ANKRA2: variants seen among roughly 807,000 people sequenced by gnomAD.
ANKRA2 encodes ankyrin repeat family A member 2, also known as ankyrin repeat family A protein 2.
A neutral mutation model predicts 37.8 loss-of-function variants in ANKRA2; 33 were observed. The ratio of observed to expected loss-of-function variants is 0.87; its 90% confidence interval spans 0.66 to 1.17. The LOEUF is 1.17. Among genes scored for constraint, ANKRA2 ranks in the 50% most tolerant of loss-of-function variants. The pLI, the probability that ANKRA2 is intolerant of heterozygous loss-of-function variation, is 0.00. For missense variants in ANKRA2, 326 were observed against 373.7 expected (o/e 0.87, Z 1.05); for synonymous variants, 126 against 132.3 (o/e 0.95, Z 0.33).
At chr5:73,552,892 A>G (rs757509458) in intron 8 of ANKRA2, 40 bp from the exon 9 acceptor site, 5 of 1,487,418 alleles carry the variant, frequency 3.4e-6, no homozygotes, top group East Asian at 2.3e-5. Flanking sequence ...CACAGTGACT[A>G]TAAAATTTCT....
At chr5:73,555,686 T>G in intron 4 of ANKRA2, 101 bp from the exon 5 acceptor site, 1 of 1,016,830 alleles carries the variant, frequency 9.8e-7, no homozygotes, top group Non-Finnish European at 1.5e-6. Flanking sequence ...TAATACTCAG[T>G]AAAGTTCACT....
chr5:73,555,054 A>G, intron 5 of ANKRA2, 68 bp from the exon 6 acceptor site: 1 of 1,559,690 alleles, frequency 6.4e-7, no homozygotes, highest in Non-Finnish European at 8.6e-7. Flanking sequence ...ATTCCTGTCA[A>G]CAATAATTAT....
At chr5:73,554,165 G>A (rs1747332329) in intron 7 of ANKRA2, 157 bp downstream of exon 7, 1 of 184,522 alleles carries the variant, frequency 5.4e-6, no homozygotes, top group Non-Finnish European at 1.0e-5. Flanking sequence ...TTCTCACATG[G>A]GCAACTTTTG....
In ANKRA2 at chr5:73,565,457, G is replaced by C; in HGVS notation, c.-430C>G. ...CTTCCGATTTCTTCTTTCGCCTTCT[G>C]GCTAAAAAACGTTCCGCAGCAATGC... On this transcript the variant is annotated 5_prime_UTR_variant, in exon 1 of 9. Coordinates refer to ENST00000296785, the MANE Select transcript of ANKRA2 (RefSeq NM_023039.5). 4.0e-6 allele frequency: 1 copy of C among 249,268 alleles called. No individual in the cohort carries two copies. The highest frequency in any genetic ancestry group is 1.1e-4 in the East Asian group (1 of 8,968). The allele number at this position is 249,268 out of a possible 1,614,324, so 15.4% of individuals were successfully genotyped here.
At chr5:73,558,724 A>G (rs1261835531) in intron 3 of ANKRA2, among the ~76,000 whole-genome samples, 4 of 152,010 alleles carry the variant, frequency 2.6e-5, no homozygotes, top group Non-Finnish European at 5.9e-5. Context: ...TTTTGTAGAG[A>G]CAGGGTTTTG....
intron 3 of ANKRA2, among the ~76,000 whole-genome samples, chr5:73,558,285 T>C (rs980852823): frequency 6.6e-6 from 1 of 152,116 alleles, no homozygotes; most frequent in Non-Finnish European, 1.5e-5. Context: ...CAGCCTTTTT[T>C]AAAAATCTAC....
At chr5:73,560,299 G>A (rs703880) in intron 3 of ANKRA2, among the ~76,000 whole-genome samples, 26,411 of 151,898 alleles carry the variant, frequency 0.17, 2,744 homozygotes, top group Non-Finnish European at 0.23. Flanking sequence ...TTATTTTTTC[G>A]TGGTGTAAAC....
rs1490103237 is a variant in ANKRA2 at position 73,552,753 on chromosome 5, A to C, written c.*44T>G. On this transcript the variant is annotated 3_prime_UTR_variant, in exon 9 of 9. Transcript: ENST00000296785. ...GTAAACAAAACTATCATTTATAAGG[A>C]CCAAGAAGTAAACAAAAGGGCAGAC... is the stretch of plus-strand genomic sequence containing the variant. 2 of 1,528,936 alleles carry C rather than the reference A, an allele frequency of 1.3e-6. No individual in the cohort carries two copies. The highest frequency in any genetic ancestry group is 1.8e-6 in the Non-Finnish European group (2 of 1,107,550). The allele number at this position is 1,528,936 out of a possible 1,614,324, so 94.7% of individuals were successfully genotyped here.
At position 73,555,418 on chromosome 5, in the gene ANKRA2, A is replaced by G. The variant is rs1747371868; in HGVS notation, c.612+70T>C. The G allele has an allele frequency of 1.1e-5, 17 of 1,582,342 alleles. No individual in the cohort carries two copies. The South Asian group carries it at 1.8e-4, about 17-fold the overall frequency. On this transcript the variant is annotated intron_variant, in intron 5 of 8. Coordinates refer to ENST00000296785, the MANE Select transcript of ANKRA2 (RefSeq NM_023039.5). ...TACCATTATATCTAGCTGGCTGGAT[A>G]TATAAAAACTCTACTAAAGACTTAA...
At chr5:73,554,790 T>G (rs950758298) in intron 6 of ANKRA2, 71 bp downstream of exon 6, 1 of 1,515,576 alleles carries the variant, frequency 6.6e-7, no homozygotes, top group African/African-American at 1.4e-5. Context: ...TAAAACTTAC[T>G]GCATCTCTCC....
In ANKRA2 at chr5:73,552,636, C is replaced by T. The variant is rs1052494130; in HGVS notation, c.*161G>A. 1.3e-5 allele frequency: 8 copies of T among 599,834 alleles called. No homozygotes were observed. Among genetic ancestry groups the T allele is most frequent in the Non-Finnish European group, 2.0e-5 (7 of 343,980 alleles). 37.2% of individuals were successfully genotyped at this position (599,834 alleles called of 1,614,324 possible). A position where few individuals can be genotyped will look rare whatever the true frequency, so the allele number is the denominator to read the frequency against. On this transcript the variant is annotated 3_prime_UTR_variant, in exon 9 of 9. Transcript: ENST00000296785. ...AAACATAGTTATAAAAAGAGTATTA[C>T]ATTTATTATAAACCAGTGAATTACT...
At chr5:73,561,520 C>G (rs1747554033) in intron 2 of ANKRA2, among the ~76,000 whole-genome samples, 2 of 151,320 alleles carry the variant, frequency 1.3e-5, no homozygotes, top group African/African-American at 4.9e-5. Context: ...AACCCCAGCA[C>G]TTTGGGAGGC....
chr5:73,555,161 C>CAG (rs1747365845), intron 5 of ANKRA2, 175 bp from the exon 6 acceptor site: 3 of 1,421,360 alleles, frequency 2.1e-6, no homozygotes, highest in Admixed American at 3.0e-5. Flanking sequence ...TGGATGCCTT[C>CAG]CTTCCTCCGT....
rs1229903214 is a variant in ANKRA2 at position 73,562,807 on chromosome 5, A to G, written c.75T>C (p.Thr25=). Residue 25 remains threonine, a synonymous_variant, in exon 2 of 9, where the codon ACT becomes ACC. Coordinates refer to ENST00000296785, the MANE Select transcript of ANKRA2 (RefSeq NM_023039.5). ...GTTCTATTTTAATGTCTGGCATGCC[A>G]GTTAGGCTATAAGTGCTGGGACACT... is the stretch of plus-strand genomic sequence containing the variant. ...VEECPSTYSL[T]GMPDIKIEHP... is the part of the protein sequence containing the mutation. The G allele has an allele frequency of 1.2e-6, 2 of 1,614,060 alleles. No individual in the cohort carries two copies. The highest frequency in any genetic ancestry group is 1.7e-6 in the Non-Finnish European group (2 of 1,180,014).
At chr5:73,558,941 A>G (rs1048419269) in intron 3 of ANKRA2, among the ~76,000 whole-genome samples, 1 of 152,214 alleles carries the variant, frequency 6.6e-6, no homozygotes, top group East Asian at 1.9e-4. Context: ...AAATGATCTT[A>G]GGTGTTTGTT....
chr5:73,562,332 GAAT>G (rs1580381237), intron 2 of ANKRA2, among the ~76,000 whole-genome samples: 1 of 152,010 alleles, frequency 6.6e-6, no homozygotes, highest in African/African-American at 2.4e-5. Flanking sequence ...ATTTTAAAAG[GAAT>G]AATAGGGAAC....
intron 2 of ANKRA2, 117 bp from the exon 3 acceptor site, chr5:73,561,405 A>C: frequency 1.0e-6 from 1 of 966,932 alleles, no homozygotes; most frequent in South Asian, 1.6e-5. Flanking sequence ...CTATTTATCA[A>C]GTGATACTAA....
intron 3 of ANKRA2, among the ~76,000 whole-genome samples, chr5:73,559,793 C>CT (rs1486194965): frequency 1.3e-5 from 2 of 152,174 alleles, no homozygotes; most frequent in Non-Finnish European, 1.5e-5. Context: ...TGGTCTCACT[C>CT]TGTTGCTCAG....
intron 3 of ANKRA2, among the ~76,000 whole-genome samples, chr5:73,558,032 G>A (rs1372097004): frequency 6.6e-6 from 1 of 151,914 alleles, no homozygotes; most frequent in African/African-American, 2.4e-5. Flanking sequence ...AACTGAGATT[G>A]TGCCACTGCA....
Sources: gnomAD v4.1 joint callset for allele counts (sites outside exome capture counted in the v4.1 genomes callset) on GRCh38, gnomAD v4.1.1 for gene constraint, MANE v1.5 for transcripts, NCBI Gene and HGNC (gene_info 2026-07-23, HGNC 2026-07-21) for gene names.